RAP1GAP2: variants seen among roughly 807,000 people sequenced by gnomAD.
The protein encoded by RAP1GAP2 is RAP1 GTPase activating protein 2, also known as rap1 GTPase-activating protein 2.
In RAP1GAP2, 27 loss-of-function variants were observed where a neutral mutation model predicts 95.0. The observed-to-expected ratio is 0.28, with a 90% CI of 0.21 to 0.39. The LOEUF (loss-of-function observed/expected upper bound fraction) is 0.39, where lower values mean the gene tolerates loss of function less well. RAP1GAP2 is among the 10% of genes least tolerant of loss of function. The pLI is 1.00. For missense variants in RAP1GAP2, 771 were observed against 970.0 expected, an observed-to-expected ratio of 0.79 and a Z score of 2.72; for synonymous variants, 373 against 380.9, an observed-to-expected ratio of 0.98 and a Z score of 0.24.
At chr17:2,956,573 A>C (rs1177441414) in intron 3 of RAP1GAP2, among the ~76,000 whole-genome samples, 2 of 152,188 alleles carry the variant, frequency 1.3e-5, no homozygotes, top group African/African-American at 4.8e-5. Flanking sequence ...TCTCGTCTTC[A>C]CTGGGGACTG....
At chr17:2,921,715 A>ACGGGCCGTTAAGGTGTCCG (rs1555569369) in intron 3 of RAP1GAP2, among the ~76,000 whole-genome samples, 4 of 149,660 alleles carry the variant, frequency 2.7e-5, no homozygotes, top group East Asian at 2.0e-4. Flanking sequence ...TTATGTGTCC[A>ACGGGCCGTTAAGGTGTCCG]CAGGGCCGTT....
At chr17:2,990,482 G>T (rs1216592062) in intron 11 of RAP1GAP2, among the ~76,000 whole-genome samples, 2 of 152,216 alleles carry the variant, frequency 1.3e-5, no homozygotes, top group Non-Finnish European at 2.9e-5. Flanking sequence ...ATGCCTGGGA[G>T]TGAAGTTTCT....
intron 8 of RAP1GAP2, among the ~76,000 whole-genome samples, chr17:2,973,703 A>G (rs2044971641): frequency 6.6e-6 from 1 of 152,222 alleles, no homozygotes. Flanking sequence ...AGATATGTGG[A>G]TAATAGACTG....
At chr17:2,785,144 G>A (rs1038666609) in intron 1 of RAP1GAP2, among the ~76,000 whole-genome samples, 2 of 152,182 alleles carry the variant, frequency 1.3e-5, no homozygotes, top group Non-Finnish European at 2.9e-5. Context: ...GCGTTGGCAG[G>A]GGGCCCAGGA....
chr17:2,888,646 CTTTTTCT>C (rs1310616104), intron 2 of RAP1GAP2, among the ~76,000 whole-genome samples: 49 of 110,392 alleles, frequency 4.4e-4, no homozygotes, highest in African/African-American at 1.7e-3. Context: ...ACCACCTTTT[CTTTTTCT>C]TTTTTTTTTT....
At chr17:2,791,626 C>T (rs555639210), upstream of RAP1GAP2, among the ~76,000 whole-genome samples, 1 of 152,266 alleles carries the variant, frequency 6.6e-6, no homozygotes, top group South Asian at 2.1e-4. Flanking sequence ...AATGGGATAA[C>T]AGGGCACCCT....
intron 3 of RAP1GAP2, among the ~76,000 whole-genome samples, chr17:2,921,641 G>A (rs578237537): frequency 6.6e-6 from 1 of 151,866 alleles, no homozygotes; most frequent in East Asian, 1.9e-4. Flanking sequence ...GTGTCAGCAG[G>A]GCCGTTATGT....
chr17:2,915,301 G>T (rs2042536930), intron 3 of RAP1GAP2, among the ~76,000 whole-genome samples: 3 of 151,874 alleles, frequency 2.0e-5, no homozygotes, highest in Admixed American at 2.0e-4. Context: ...TGCGAACAGA[G>T]CTCACTGCAG....
chr17:3,005,344 C>A lies in RAP1GAP2; in HGVS notation c.1201-25C>A. 1.2e-6 allele frequency: 2 copies of A among 1,608,872 alleles called. No individual in the cohort carries two copies. Among genetic ancestry groups the A allele is most frequent in the Non-Finnish European group, 1.7e-6 (2 of 1,175,240 alleles). Reference sequence around the variant, plus strand: ...AGCGCTCGTCTCTTCCCTCCAGGTCCGTACCATGACTCTGTTTCACTCAGG... The same window carrying A: ...AGCGCTCGTCTCTTCCCTCCAGGTCAGTACCATGACTCTGTTTCACTCAGG... On this transcript the variant is annotated intron_variant, in intron 14 of 24. Transcript: ENST00000254695. The surrounding 1 kb of genome is among the most constrained non-coding windows in gnomAD (Gnocchi z 5.2).
At chr17:2,884,098 G>A (rs1035002714) in intron 2 of RAP1GAP2, among the ~76,000 whole-genome samples, 1 of 152,186 alleles carries the variant, frequency 6.6e-6, no homozygotes, top group African/African-American at 2.4e-5. Flanking sequence ...AGGTGTGGGG[G>A]ATGCATGGGG....
intron 3 of RAP1GAP2, among the ~76,000 whole-genome samples, chr17:2,931,152 A>G (rs918036885): frequency 2.0e-5 from 3 of 149,066 alleles, no homozygotes; most frequent in Admixed American, 1.3e-4. Context: ...AAAGAAGAAG[A>G]GAAACCACAA....
At chr17:2,854,099 A>G (rs2072020611) in intron 2 of RAP1GAP2, 1 of 985,274 alleles carries the variant, frequency 1.0e-6, no homozygotes, top group African/African-American at 1.7e-5. Flanking sequence ...AATAAAGAGA[A>G]AAGGTAAACC....
intron 1 of RAP1GAP2, among the ~76,000 whole-genome samples, chr17:2,780,449 T>A (rs543680907): frequency 2.6e-5 from 4 of 152,252 alleles, no homozygotes; most frequent in Admixed American, 1.3e-4. Flanking sequence ...GTTCCTGTTA[T>A]GAGCGGCGAT....
chr17:2,930,759 A>T (rs976213014), intron 3 of RAP1GAP2, among the ~76,000 whole-genome samples: 1 of 152,208 alleles, frequency 6.6e-6, no homozygotes, highest in Non-Finnish European at 1.5e-5. Context: ...AGGACAGGCA[A>T]ATTAGAAACT....
At position 2,797,663 on chromosome 17, in the gene RAP1GAP2, G is replaced by T. The variant is rs543215623; in HGVS notation, c.44+1092G>T. 5.2e-5 allele frequency: 51 copies of T among 981,932 alleles called. No homozygotes were observed. The East Asian group carries it at 6.8e-4, about 13-fold the overall frequency. The allele number at this position is 981,932 out of a possible 1,614,324, so 60.8% of individuals were successfully genotyped here. On this transcript the variant is annotated intron_variant, in intron 1 of 24. Coordinates refer to ENST00000254695, the MANE Select transcript of RAP1GAP2 (RefSeq NM_015085.5). This position sits in a 1 kb window ranked among gnomAD's most constrained non-coding sequence, Gnocchi z 5.6. ...TGCCATCCATCCTCTGGCAGGGGGGGACTGTGGGCACTCCATGTTTGGCAG... is the reference window on the plus strand; with the variant it reads ...TGCCATCCATCCTCTGGCAGGGGGGTACTGTGGGCACTCCATGTTTGGCAG...
chr17:2,986,543 T>A (rs2045565773), intron 11 of RAP1GAP2, among the ~76,000 whole-genome samples: 2 of 151,638 alleles, frequency 1.3e-5, no homozygotes, highest in African/African-American at 2.4e-5. Flanking sequence ...GAAGATAATT[T>A]TTTTTTTTTT....
chr17:2,819,630 T>C (rs902873209), intron 2 of RAP1GAP2, among the ~76,000 whole-genome samples: 1 of 151,920 alleles, frequency 6.6e-6, no homozygotes, highest in Non-Finnish European at 1.5e-5. Context: ...CATGCCACCA[T>C]GCCCAGCTAA....
intron 2 of RAP1GAP2, among the ~76,000 whole-genome samples, chr17:2,830,297 C>T (rs967629683): frequency 3.3e-5 from 5 of 152,028 alleles, no homozygotes; most frequent in Admixed American, 1.3e-4. Flanking sequence ...GCCTGTAATT[C>T]GAGCTACTCG....
intron 2 of RAP1GAP2, among the ~76,000 whole-genome samples, chr17:2,814,530 C>A (rs894948848): frequency 3.3e-5 from 5 of 152,190 alleles, no homozygotes; most frequent in African/African-American, 9.7e-5. Flanking sequence ...GCAGCCGGAA[C>A]CTCAGGTCAC....
Sources: allele counts gnomAD v4.1 joint callset (sites outside exome capture counted in the v4.1 genomes callset), GRCh38; gene constraint gnomAD v4.1.1; non-coding constraint Gnocchi (gnomAD v3.1); transcripts MANE v1.5; gene names NCBI Gene and HGNC (gene_info 2026-07-23, HGNC 2026-07-21).